The following TRIM23 variants were observed in gnomAD, a reference collection of about 807,000 sequenced individuals.
The protein encoded by TRIM23 is E3 ubiquitin-protein ligase TRIM23.
TRIM23 carries 27 observed loss-of-function variants against 71.0 expected under a neutral mutation model. That is an observed-to-expected ratio of 0.38 (90% CI 0.28 to 0.52). The LOEUF (loss-of-function observed/expected upper bound fraction) is 0.52. Among genes scored for constraint, TRIM23 ranks in the 20% least tolerant of loss-of-function variants. TRIM23 has a pLI of 0.84. For synonymous variants in TRIM23, 234 were observed against 238.0 expected, an observed-to-expected ratio of 0.98 and a Z score of 0.16; for missense variants, 482 against 692.3, an observed-to-expected ratio of 0.70 and a Z score of 3.41.
chr5:65,620,628 T>C (rs1413673486), intron 1 of TRIM23, among the ~76,000 whole-genome samples: 1 of 152,076 alleles, frequency 6.6e-6, no homozygotes, highest in African/African-American at 2.4e-5. Flanking sequence ...CCTGGAAGGA[T>C]ACATAGGACA....
At chr5:65,605,172 CAAA>C (rs1754463052) in intron 6 of TRIM23, 127 bp from the exon 7 acceptor site, 3 of 865,350 alleles carry the variant, frequency 3.5e-6, no homozygotes, top group African/African-American at 1.7e-5. Context: ...GTAAATTTGA[CAAA>C]AATAATAATT....
chr5:65,602,366 T>G (rs1169932544), intron 7 of TRIM23, among the ~76,000 whole-genome samples: 2 of 152,174 alleles, frequency 1.3e-5, no homozygotes, highest in Non-Finnish European at 2.9e-5. Flanking sequence ...CCCAAAAAGT[T>G]CCTCGTCTCC....
At chr5:65,613,481 C>G (rs531665689) in intron 3 of TRIM23, among the ~76,000 whole-genome samples, 2 of 152,160 alleles carry the variant, frequency 1.3e-5, no homozygotes, top group African/African-American at 4.8e-5. Context: ...TAACAGCCTA[C>G]GAAAGCCATG....
chr5:65,609,631 G>T (rs1369624587), intron 5 of TRIM23, among the ~76,000 whole-genome samples, 173 bp from the exon 6 acceptor site: 2 of 152,194 alleles, frequency 1.3e-5, no homozygotes, highest in Non-Finnish European at 2.9e-5. Context: ...TCAGGAGGCT[G>T]AGGCGGGAGG....
intron 1 of TRIM23, among the ~76,000 whole-genome samples, chr5:65,623,785 G>A (rs1288007562): frequency 6.6e-6 from 1 of 152,062 alleles, no homozygotes; most frequent in Non-Finnish European, 1.5e-5. Context: ...CTGTAAAATG[G>A]GAATTCACAT....
rs111599274 is a variant in TRIM23, at chr5:65,599,466, C to T, written c.1180-2286G>A. ...TACTATGTTGGTGCAAAAGCAACTG[C>T]GGCTTTTGCCAGTACTTTTAATGGC... On this transcript the variant is annotated intron_variant, in intron 7 of 10. Transcript: ENST00000231524. 1.5e-3 allele frequency among the ~76,000 whole-genome samples: 234 copies of T among 152,264 alleles called. 1 individual carries two copies. Among genetic ancestry groups the T allele is most frequent in the African/African-American group, 5.4e-3 (225 of 41,540 alleles).
At chr5:65,604,415 A>T (rs13189031) in intron 7 of TRIM23, among the ~76,000 whole-genome samples, 5,077 of 152,176 alleles carry the variant, frequency 0.033, 144 homozygotes, top group Middle Eastern at 0.092. Flanking sequence ...TTTTAAAAAG[A>T]GTCCTTATCT....
chr5:65,614,660 G>A (rs1168044878), intron 2 of TRIM23, among the ~76,000 whole-genome samples: 6 of 151,462 alleles, frequency 4.0e-5, no homozygotes, highest in South Asian at 2.1e-4. Flanking sequence ...GCTTGAACCC[G>A]GGAGGTGGAG....
chr5:65,621,975 G>A (rs1203854824), intron 1 of TRIM23, among the ~76,000 whole-genome samples: 1 of 151,898 alleles, frequency 6.6e-6, no homozygotes, highest in Non-Finnish European at 1.5e-5. Flanking sequence ...CCACAGGCAT[G>A]TGCCACTACG....
At chr5:65,606,178 T>TCA (rs1754493518) in intron 6 of TRIM23, among the ~76,000 whole-genome samples, 1 of 152,172 alleles carries the variant, frequency 6.6e-6, no homozygotes, top group South Asian at 2.1e-4. Flanking sequence ...GGATGGTGGC[T>TCA]CACACCTGTA....
Position 65,591,201 on chromosome 5 carries a change from T to A in TRIM23, c.*568A>T. The A allele has an allele frequency of 8.4e-7, 1 of 1,189,128 alleles. No individual in the cohort carries two copies. The highest frequency in any genetic ancestry group is 2.1e-5 in the South Asian group (1 of 46,678). The allele number at this position is 1,189,128 out of a possible 1,614,324, so 73.7% of individuals were successfully genotyped here. A position where few individuals can be genotyped will look rare whatever the true frequency, so the allele number is the denominator to read the frequency against. On this transcript the variant is annotated 3_prime_UTR_variant, in exon 11 of 11. Coordinates refer to ENST00000231524, the MANE Select transcript of TRIM23 (RefSeq NM_001656.4). ...TATAAAGTATTAATTTTCTGTACCT[T>A]ATAGTTCTTAGCATTAAAGGTGTTC... is the stretch of plus-strand genomic sequence containing the variant.
At chr5:65,613,729 C>A in intron 3 of TRIM23, 1 of 1,190,380 alleles carries the variant, frequency 8.4e-7, no homozygotes, top group Non-Finnish European at 1.1e-6. Flanking sequence ...CCTCTTACAT[C>A]GAGTTTTTCT....
At position 65,611,777 on chromosome 5, in the gene TRIM23, T is replaced by C. The variant is rs1754656943; in HGVS notation, c.471A>G (p.Thr157=). 1 of 1,614,092 alleles carries C rather than the reference T, an allele frequency of 6.2e-7. No homozygotes were observed. The highest frequency in any genetic ancestry group is 1.7e-5 in the Admixed American group (1 of 60,008). The change falls in exon 4 of 11, where the codon ACA becomes ACG. Residue 157 remains threonine (T), a synonymous_variant. Coordinates refer to ENST00000231524, the MANE Select transcript of TRIM23 (RefSeq NM_001656.4). ...CTCGCCTGTGCTTTGCTAATGTCTT[T>C]GTAGAATGAGTAACTTGAGAACACT... The part of the protein sequence containing the change: ...CSECSQVTHS[T]KTLAKHRRVP...
intron 9 of TRIM23, among the ~76,000 whole-genome samples, chr5:65,595,342 G>A (rs1754171272): frequency 6.6e-6 from 1 of 152,032 alleles, no homozygotes; most frequent in Non-Finnish European, 1.5e-5. Flanking sequence ...CGGATCACGA[G>A]GTCAGGAGAT....
In TRIM23 at chr5:65,596,433, G is replaced by T; in HGVS notation, c.1408C>A (p.Leu470Ile). Residue 470 changes from leucine (L) to isoleucine (I), a missense_variant, in exon 9 of 11, where the codon CTC becomes ATC. This residue lies in a region of TRIM23 where 307 missense variants were observed against 495.8 expected (regional missense o/e 0.62). Coordinates refer to ENST00000231524, the MANE Select transcript of TRIM23 (RefSeq NM_001656.4). ...TTTTAACTCTCACCTTGAGTATTGA[G>T]GTAATAATGTTTCCACAATGGTCTT... ...KLRPLWKHYY[L>I]NTQAVVFVVD... The T allele has an allele frequency of 6.3e-7, 1 of 1,595,514 alleles. No individual in the cohort carries two copies. Among genetic ancestry groups the T allele is most frequent in the Non-Finnish European group, 8.6e-7 (1 of 1,164,626 alleles).
chr5:65,622,744 G>A (rs1263648555), intron 1 of TRIM23, among the ~76,000 whole-genome samples: 1 of 152,132 alleles, frequency 6.6e-6, no homozygotes, highest in Non-Finnish European at 1.5e-5. Flanking sequence ...TATTTTACAT[G>A]TTAAGATGAA....
chr5:65,593,372 T>C (rs955476594), intron 10 of TRIM23, among the ~76,000 whole-genome samples: 1 of 151,852 alleles, frequency 6.6e-6, no homozygotes, highest in Non-Finnish European at 1.5e-5. Context: ...GAGGGGGAGG[T>C]TGCAGTGAGC....
In TRIM23 at chr5:65,621,064, A is replaced by G. The variant is rs146408931; in HGVS notation, c.82-2809T>C. On this transcript the variant is annotated intron_variant, in intron 1 of 10. Transcript: ENST00000231524. ...AAATTCAATTAAATATAGAAAAAAT[A>G]TTCATAGGCTGGGTGCGGTGGCTCA... 7.1e-3 allele frequency among the ~76,000 whole-genome samples: 1,086 copies of G among 152,012 alleles called. 10 individuals are homozygous for G. Among genetic ancestry groups the G allele is most frequent in the Middle Eastern group, 0.024 (7 of 294 alleles).
Position 65,624,305 on chromosome 5 carries a change from TTC to T in TRIM23, c.-33_-32del, listed in dbSNP as rs146397668. 533 of 1,611,458 alleles carry T rather than the reference TTC, an allele frequency of 3.3e-4. 4 individuals are homozygous for T. In the African/African-American group the frequency reaches 6.6e-3, roughly 20 times the overall value. ...CAGGGGAAGCGCCACAGAAACAGCC[TTC>T]AGAGTCCTCAACTGAGAGGCGGGGT... On this transcript the variant is annotated 5_prime_UTR_variant, in exon 1 of 11. Coordinates refer to ENST00000231524, the MANE Select transcript of TRIM23 (RefSeq NM_001656.4).
Sources: allele counts gnomAD v4.1 joint callset (sites outside exome capture counted in the v4.1 genomes callset), GRCh38; gene constraint gnomAD v4.1.1; regional missense constraint gnomAD v4.1.1; transcripts MANE v1.5; gene names NCBI Gene and HGNC (gene_info 2026-07-23, HGNC 2026-07-21).